Variants in TRIM44 observed in about 807,000 individuals in gnomAD.
TRIM44 encodes tripartite motif-containing protein 44.
In TRIM44, 13 loss-of-function variants were observed where a neutral mutation model predicts 37.4. The observed-to-expected ratio is 0.35, with a 90% CI of 0.23 to 0.55. The LOEUF is 0.55. TRIM44 is among the 20% of genes least tolerant of loss of function. The pLI, the probability that TRIM44 is intolerant of heterozygous loss-of-function variation, is 0.89. For synonymous variants in TRIM44, 175 were observed against 157.2 expected (o/e 1.11, Z -0.85); for missense variants, 426 against 437.2 (o/e 0.97, Z 0.23).
At chr11:35,792,891 A>G (rs1853233170) in intron 4 of TRIM44, among the ~76,000 whole-genome samples, 1 of 152,172 alleles carries the variant, frequency 6.6e-6, no homozygotes, top group African/African-American at 2.4e-5. Flanking sequence ...GTCTAGTGAA[A>G]ATCAGCTCAA....
At chr11:35,693,166 A>G (rs140956698) in intron 2 of TRIM44, among the ~76,000 whole-genome samples, 2 of 152,260 alleles carry the variant, frequency 1.3e-5, no homozygotes, top group East Asian at 3.9e-4. Context: ...AGCGATTGTA[A>G]CAGGCACATA....
intron 4 of TRIM44, among the ~76,000 whole-genome samples, chr11:35,788,145 G>T (rs542503296): frequency 1.3e-5 from 2 of 152,298 alleles, no homozygotes; most frequent in South Asian, 4.1e-4. Flanking sequence ...AATTCTCTGA[G>T]CCGGAGGGTG....
intron 4 of TRIM44, among the ~76,000 whole-genome samples, chr11:35,798,915 G>A (rs1853329411): frequency 6.6e-6 from 1 of 152,006 alleles, no homozygotes; most frequent in East Asian, 1.9e-4. Context: ...TATCTGTGGT[G>A]GTAACATAAT....
At position 35,794,369 on chromosome 11, in the gene TRIM44, A is replaced by G. The variant is rs1023965353; in HGVS notation, c.1008-11989A>G. Among the ~76,000 whole-genome samples the G allele has an allele frequency of 2.6e-5, 4 of 152,344 alleles. No individual in the cohort carries two copies. The South Asian group carries it at 8.3e-4, about 32-fold the overall frequency. On this transcript the variant is annotated intron_variant, in intron 4 of 4. Coordinates refer to ENST00000299413, the MANE Select transcript of TRIM44 (RefSeq NM_017583.6). ...GGTTGTGGAGAGTTAGAAGTTGGCA[A>G]ACACACAGCTGTTTTATAGAGAAGC...
chr11:35,794,563 G>A (rs1853256797), intron 4 of TRIM44, among the ~76,000 whole-genome samples: 1 of 152,212 alleles, frequency 6.6e-6, no homozygotes, highest in Admixed American at 6.5e-5. Flanking sequence ...TTGTTTGTAA[G>A]AATAATCAGT....
chr11:35,709,770 T>C (rs1386191714), intron 2 of TRIM44, among the ~76,000 whole-genome samples: 1 of 152,178 alleles, frequency 6.6e-6, no homozygotes, highest in Non-Finnish European at 1.5e-5. Context: ...TCAGCACTCC[T>C]GGGGGTCGTT....
intron 2 of TRIM44, among the ~76,000 whole-genome samples, chr11:35,710,988 G>A (rs1564969468): frequency 6.6e-6 from 1 of 152,160 alleles, no homozygotes; most frequent in Non-Finnish European, 1.5e-5. Context: ...GTTCAGAATA[G>A]GCAAATATAT....
chr11:35,799,352 G>A (rs1169191753), intron 4 of TRIM44, among the ~76,000 whole-genome samples: 1 of 152,202 alleles, frequency 6.6e-6, no homozygotes, highest in Non-Finnish European at 1.5e-5. Context: ...GAGACCCAAG[G>A]CTCTCTCAGA....
chr11:35,756,069 A>G lies in TRIM44; in HGVS notation c.1007+20624A>G, dbSNP rs1367946536. ...AGTCATTGGTAGCTTCATGGGGATG[A>G]CATTGAATCTATAAATTACCTTGGG... On this transcript the variant is annotated intron_variant, in intron 4 of 4. Coordinates refer to ENST00000299413, the MANE Select transcript of TRIM44 (RefSeq NM_017583.6). Among the ~76,000 whole-genome samples, 3 of 152,280 alleles carry G rather than the reference A, an allele frequency of 2.0e-5. No homozygotes were observed. The East Asian group carries it at 5.8e-4, about 29-fold the overall frequency.
At chr11:35,796,794 A>G (rs1160251665) in intron 4 of TRIM44, among the ~76,000 whole-genome samples, 1 of 152,210 alleles carries the variant, frequency 6.6e-6, no homozygotes, top group Non-Finnish European at 1.5e-5. Context: ...TTGAAGTTCA[A>G]CAGGAAACTG....
chr11:35,745,787 C>T (rs1257386598), intron 4 of TRIM44, among the ~76,000 whole-genome samples: 1 of 152,084 alleles, frequency 6.6e-6, no homozygotes, highest in African/African-American at 2.4e-5. Context: ...TTTAGACACA[C>T]CAGTTCACCT....
intron 1 of TRIM44, among the ~76,000 whole-genome samples, chr11:35,677,749 A>C (rs928980326): frequency 6.6e-6 from 1 of 152,334 alleles, no homozygotes; most frequent in South Asian, 2.1e-4. Context: ...GGGAACCAAC[A>C]AGAAGCAACT....
chr11:35,732,558 A>G (rs1022866921), intron 3 of TRIM44, among the ~76,000 whole-genome samples: 4 of 152,206 alleles, frequency 2.6e-5, no homozygotes, highest in African/African-American at 9.6e-5. Context: ...TTCTATTCTC[A>G]AGGAGTTGAA....
chr11:35,723,441 A>G (rs762835049), intron 2 of TRIM44, among the ~76,000 whole-genome samples: 6 of 152,228 alleles, frequency 3.9e-5, no homozygotes, highest in Non-Finnish European at 7.3e-5. Context: ...AACATGCCAA[A>G]GGTTTTGATG....
In TRIM44 at chr11:35,665,421, C is replaced by T. The variant is rs114336478; in HGVS notation, c.669+1641C>T. 2.1e-3 allele frequency among the ~76,000 whole-genome samples: 320 copies of T among 152,006 alleles called. 2 individuals carry two copies. Among genetic ancestry groups the T allele is most frequent in the African/African-American group, 7.4e-3 (308 of 41,446 alleles). On this transcript the variant is annotated intron_variant, in intron 1 of 4. Transcript: ENST00000299413. ...TACTGTATTTTTCATTTTTGTCAAT[C>T]TTGTGGCTATGTAATGGTATTTTAT...
At position 35,809,810 on chromosome 11, in the gene TRIM44, CGGG is replaced by C. The variant is rs1462868697; in HGVS notation, c.*3428_*3430del. 6.6e-6 allele frequency: 1 copy of C among 151,758 alleles called. No individual in the cohort carries two copies. The allele number at this position is 151,758 out of a possible 1,614,324, so 9.4% of individuals were successfully genotyped here. On this transcript the variant is annotated 3_prime_UTR_variant, in exon 5 of 5. Coordinates refer to ENST00000299413, the MANE Select transcript of TRIM44 (RefSeq NM_017583.6). ...TGATTCCTGGTTTTAGTGTGTGTGT[CGGG>C]GGAGTGTGTACCTATATATAAAGGA...
At chr11:35,676,840 C>T (rs1483787087) in intron 1 of TRIM44, among the ~76,000 whole-genome samples, 6 of 151,454 alleles carry the variant, frequency 4.0e-5, no homozygotes, top group Non-Finnish European at 5.9e-5. Flanking sequence ...AATCTTTGGC[C>T]GAGGTTATAA....
chr11:35,698,081 G>A (rs560236857), intron 2 of TRIM44, among the ~76,000 whole-genome samples: 34 of 152,040 alleles, frequency 2.2e-4, no homozygotes, highest in African/African-American at 7.5e-4. Flanking sequence ...CAGTGTAAAA[G>A]TGTTCCCATT....
At chr11:35,666,543 C>T (rs540564240) in intron 1 of TRIM44, among the ~76,000 whole-genome samples, 37 of 151,830 alleles carry the variant, frequency 2.4e-4, no homozygotes, top group African/African-American at 8.9e-4. Flanking sequence ...TATTTTTTTC[C>T]TCAAAGATTT....
Sources: gnomAD v4.1 joint callset for allele counts (sites outside exome capture counted in the v4.1 genomes callset) on GRCh38, gnomAD v4.1.1 for gene constraint, MANE v1.5 for transcripts, NCBI Gene and HGNC (gene_info 2026-07-23, HGNC 2026-07-21) for gene names.